The following CNTN1 variants were observed in gnomAD, a reference collection of about 807,000 sequenced individuals.
The protein encoded by CNTN1 is contactin-1.
In CNTN1, 38 loss-of-function variants were observed where a neutral mutation model predicts 126.4. The observed-to-expected ratio is 0.30, with a 90% confidence interval of 0.23 to 0.39. The LOEUF is 0.39. Ranked by LOEUF, CNTN1 falls within the 10% of genes least tolerant of loss-of-function variation. The probability of loss-of-function intolerance (pLI) is 1.00; values close to 1 mark genes in which losing one functional copy is unlikely to be tolerated. For missense variants in CNTN1, 1,009 were observed against 1,248.4 expected, an observed-to-expected ratio of 0.81 and a Z score of 2.89; for synonymous variants, 413 against 422.6, an observed-to-expected ratio of 0.98 and a Z score of 0.28.
chr12:41,046,158 T>G (rs1020052634), intron 23 of CNTN1, among the ~76,000 whole-genome samples: 1 of 152,122 alleles, frequency 6.6e-6, no homozygotes, highest in Non-Finnish European at 1.5e-5. Context: ...TTTATCTAAC[T>G]TTTCTTTTCT....
intron 16 of CNTN1, among the ~76,000 whole-genome samples, chr12:40,988,519 G>A (rs952995906): frequency 4.6e-5 from 7 of 152,054 alleles, no homozygotes; most frequent in Non-Finnish European, 8.8e-5. Flanking sequence ...TAAAGGCAGG[G>A]TACCACGAGC....
intron 15 of CNTN1, among the ~76,000 whole-genome samples, chr12:40,973,593 C>T (rs986584474): frequency 2.6e-5 from 4 of 152,082 alleles, no homozygotes; most frequent in African/African-American, 9.7e-5. Context: ...TAATTACTTA[C>T]TAGGGAATTA....
At chr12:40,893,030 A>C (rs1187187546) in intron 1 of CNTN1, among the ~76,000 whole-genome samples, 1 of 152,054 alleles carries the variant, frequency 6.6e-6, no homozygotes, top group Non-Finnish European at 1.5e-5. Context: ...AAAATATTAA[A>C]TAGAAACATT....
At chr12:40,835,986 A>ATG (rs752905803) in intron 1 of CNTN1, among the ~76,000 whole-genome samples, 797 of 51,368 alleles carry the variant, frequency 0.016, 14 homozygotes, top group African/African-American at 0.042. Flanking sequence ...AGGTATATAT[A>ATG]TGTGTGTGTG....
Position 41,066,575 on chromosome 12 carries a change from G to A in CNTN1, c.2981-3384G>A, listed in dbSNP as rs143896043. Among the ~76,000 whole-genome samples, 1,166 of 152,246 alleles carry A rather than the reference G, an allele frequency of 7.7e-3. 10 individuals carry two copies. Among genetic ancestry groups the A allele is most frequent in the Non-Finnish European group, 0.012 (846 of 68,024 alleles). On this transcript the variant is annotated intron_variant, in intron 23 of 23. Transcript: ENST00000551295. ...TAATATAGAGATATTAGCAGTTGTG[G>A]TCACAAAATGTGACACCACAAAGAG...
intron 3 of CNTN1, among the ~76,000 whole-genome samples, chr12:40,914,206 AT>A (rs1212625135): frequency 3.3e-5 from 5 of 152,274 alleles, no homozygotes; most frequent in Admixed American, 2.6e-4. Flanking sequence ...AGATGACAGT[AT>A]TTTCTGTAGG....
At chr12:40,718,941 G>A (rs1323031583) in intron 1 of CNTN1, among the ~76,000 whole-genome samples, 1 of 151,672 alleles carries the variant, frequency 6.6e-6, no homozygotes, top group Non-Finnish European at 1.5e-5. Context: ...TTCCAAAGAT[G>A]CCCTTAGAAG....
chr12:40,695,680 C>T (rs1941432794), intron 1 of CNTN1, among the ~76,000 whole-genome samples: 1 of 152,142 alleles, frequency 6.6e-6, no homozygotes, highest in Non-Finnish European at 1.5e-5. Flanking sequence ...TTGTTCTCTT[C>T]TGACCTTCTA....
At chr12:40,830,908 T>G (rs1941801180) in intron 1 of CNTN1, among the ~76,000 whole-genome samples, 1 of 110,432 alleles carries the variant, frequency 9.1e-6, no homozygotes, top group South Asian at 3.1e-4. Flanking sequence ...ACTACCATAA[T>G]CCTAAGTGGT....
At chr12:40,879,364 A>G (rs1166716277) in intron 1 of CNTN1, among the ~76,000 whole-genome samples, 1 of 152,164 alleles carries the variant, frequency 6.6e-6, no homozygotes, top group Admixed American at 6.5e-5. Flanking sequence ...TGTGTTTTCT[A>G]AAGTCCCTTA....
At position 40,952,251 on chromosome 12, in the gene CNTN1, A is replaced by T. The variant is rs11179170; in HGVS notation, c.1684-6863A>T. Among the ~76,000 whole-genome samples the T allele has an allele frequency of 5.3e-3, 802 of 152,194 alleles. 7 individuals are homozygous for T. Among genetic ancestry groups the T allele is most frequent in the African/African-American group, 0.018 (751 of 41,544 alleles). On this transcript the variant is annotated intron_variant, in intron 14 of 23. Transcript: ENST00000551295. ...CTTAATGTAAAATCTCAAGGTCCTTATTTCTAAAATGGGAATATTAATAGT... is the reference window on the plus strand; with the variant it reads ...CTTAATGTAAAATCTCAAGGTCCTTTTTTCTAAAATGGGAATATTAATAGT...
chr12:40,826,923 A>G (rs1327037832), intron 1 of CNTN1, among the ~76,000 whole-genome samples: 1 of 152,124 alleles, frequency 6.6e-6, no homozygotes, highest in Non-Finnish European at 1.5e-5. Context: ...GGAAGACATG[A>G]CTTTAGTCAT....
At chr12:40,917,679 C>A (rs898049146) in intron 3 of CNTN1, among the ~76,000 whole-genome samples, 1 of 152,104 alleles carries the variant, frequency 6.6e-6, no homozygotes, top group Non-Finnish European at 1.5e-5. Context: ...TTTCTAGCCA[C>A]ACAGATGATT....
intron 1 of CNTN1, among the ~76,000 whole-genome samples, chr12:40,867,532 C>A (rs73120763): frequency 0.023 from 3,454 of 152,144 alleles, 129 homozygotes; most frequent in African/African-American, 0.079. Context: ...TGTGAGGTAA[C>A]GCATATATTA....
At chr12:40,886,282 G>T (rs1565884994) in intron 1 of CNTN1, among the ~76,000 whole-genome samples, 1 of 152,062 alleles carries the variant, frequency 6.6e-6, no homozygotes, top group Non-Finnish European at 1.5e-5. Context: ...AGACCAGACA[G>T]CGATGGGCCC....
At position 40,827,390 on chromosome 12, in the gene CNTN1, A is replaced by G. The variant is rs1941648215; in HGVS notation, c.-76-80967A>G. ...GAAAAATTAATTATTTGTAAATTAAACTTTTCTAAAAAAGGTTATTCAAAT... is the reference window on the plus strand; with the variant it reads ...GAAAAATTAATTATTTGTAAATTAAGCTTTTCTAAAAAAGGTTATTCAAAT... On this transcript the variant is annotated intron_variant, in intron 1 of 23. Transcript: ENST00000551295. 3.3e-5 allele frequency among the ~76,000 whole-genome samples: 5 copies of G among 150,230 alleles called. No individual in the cohort carries two copies. The Admixed American group carries it at 3.4e-4, about 10-fold the overall frequency.
At chr12:40,793,569 C>T (rs1469433271) in intron 1 of CNTN1, among the ~76,000 whole-genome samples, 1 of 152,054 alleles carries the variant, frequency 6.6e-6, no homozygotes, top group Non-Finnish European at 1.5e-5. Context: ...AACAATAATG[C>T]CCTTATCTCT....
intron 4 of CNTN1, 49 bp from the exon 5 acceptor site, chr12:40,922,207 T>C: frequency 1.3e-6 from 2 of 1,534,074 alleles, no homozygotes; most frequent in Non-Finnish European, 1.8e-6. Context: ...TCCGTAGAGT[T>C]TCTAGGTCTC....
chr12:41,050,736 A>G (rs1194728768), intron 23 of CNTN1, among the ~76,000 whole-genome samples: 1 of 152,194 alleles, frequency 6.6e-6, no homozygotes, highest in Non-Finnish European at 1.5e-5. Flanking sequence ...ACCTGTTTTT[A>G]TATATCTTAA....
Sources: allele counts gnomAD v4.1 joint callset (sites outside exome capture counted in the v4.1 genomes callset), GRCh38; gene constraint gnomAD v4.1.1; transcripts MANE v1.5; gene names NCBI Gene and HGNC (gene_info 2026-07-23, HGNC 2026-07-21).